SAMD12: variants seen among roughly 807,000 people sequenced by gnomAD.
The protein encoded by SAMD12 is sterile alpha motif domain containing 12.
Under a neutral mutation model 15.0 loss-of-function variants are expected in SAMD12, and 9 were observed. That is an observed-to-expected ratio of 0.60 (90% CI 0.36 to 1.05). The LOEUF (loss-of-function observed/expected upper bound fraction) is 1.05. Among genes scored for constraint, SAMD12 ranks in the 50% least tolerant of loss-of-function variants. The pLI is 0.01. For missense variants in SAMD12, 230 were observed against 234.2 expected, an observed-to-expected ratio of 0.98 and a Z score of 0.12; for synonymous variants, 86 against 90.1, an observed-to-expected ratio of 0.96 and a Z score of 0.25.
chr8:118,515,263 G>A (rs1306105839), intron 2 of SAMD12, among the ~76,000 whole-genome samples: 1 of 137,784 alleles, frequency 7.3e-6, no homozygotes, highest in Non-Finnish European at 1.5e-5. Context: ...TCGATCTCCT[G>A]ATCTCGTGAT....
chr8:118,301,335 T>G (rs1194593461), intron 4 of SAMD12, among the ~76,000 whole-genome samples: 1 of 152,166 alleles, frequency 6.6e-6, no homozygotes, highest in Non-Finnish European at 1.5e-5. Context: ...CAAAAAGCTG[T>G]CACGATGGAA....
chr8:118,235,458 C>G (rs1308938272), intron 4 of SAMD12, among the ~76,000 whole-genome samples: 4 of 152,126 alleles, frequency 2.6e-5, no homozygotes, highest in Non-Finnish European at 5.9e-5. Context: ...ATCCGCCCAC[C>G]TTGGCCTCCC....
chr8:118,446,661 C>T (rs988073933), intron 2 of SAMD12, among the ~76,000 whole-genome samples: 6 of 152,142 alleles, frequency 3.9e-5, no homozygotes, highest in Admixed American at 1.3e-4. Flanking sequence ...TGCTTCAAAA[C>T]GTACTTTCAT....
chr8:118,417,974 C>G (rs1291146583), intron 3 of SAMD12, among the ~76,000 whole-genome samples: 2 of 152,122 alleles, frequency 1.3e-5, no homozygotes, highest in African/African-American at 4.8e-5. Context: ...GATGTATGAC[C>G]TGATCGAATA....
intron 4 of SAMD12, among the ~76,000 whole-genome samples, chr8:118,350,455 C>T (rs1344233330): frequency 6.6e-6 from 1 of 152,154 alleles, no homozygotes; most frequent in Non-Finnish European, 1.5e-5. Context: ...CTCATCATTC[C>T]TGTGTTTTGG....
chr8:118,263,599 A>G (rs1180897889), intron 4 of SAMD12, among the ~76,000 whole-genome samples: 1 of 152,086 alleles, frequency 6.6e-6, no homozygotes, highest in Non-Finnish European at 1.5e-5. Flanking sequence ...GGGGAGTAAA[A>G]AAAATAAAAA....
At chr8:118,132,986 A>G in the SAMD12 span, among the ~76,000 whole-genome samples, 327 of 59,770 alleles carry the variant, frequency 5.5e-3, 10 homozygotes, top group African/African-American at 0.015. Flanking sequence ...ATATATATAT[A>G]TATATATATA....
chr8:118,415,273 A>AT (rs1317323265), intron 3 of SAMD12, among the ~76,000 whole-genome samples: 6 of 152,180 alleles, frequency 3.9e-5, no homozygotes, highest in Non-Finnish European at 8.8e-5. Flanking sequence ...TTACAAAAGT[A>AT]TTTTTTGCTT....
At chr8:118,268,268 T>C (rs1813256694) in intron 4 of SAMD12, among the ~76,000 whole-genome samples, 1 of 152,182 alleles carries the variant, frequency 6.6e-6, no homozygotes, top group African/African-American at 2.4e-5. Flanking sequence ...CTCCTTCCCA[T>C]TCCCTACTTT....
At chr8:118,255,127 C>T (rs1007971450) in intron 4 of SAMD12, among the ~76,000 whole-genome samples, 31 of 152,000 alleles carry the variant, frequency 2.0e-4, no homozygotes, top group Middle Eastern at 3.4e-3. Flanking sequence ...CAATACAGAC[C>T]GTGGGGGCAG....
exon 5 of SAMD12, chr8:118,195,973 G>A (rs1383565905): frequency 2.0e-5 from 3 of 152,220 alleles, no homozygotes; most frequent in African/African-American, 7.2e-5. Context: ...GGGCCTGGCA[G>A]TCCTGGTGCT....
intron 3 of SAMD12, among the ~76,000 whole-genome samples, chr8:118,419,568 A>G (rs1821897300): frequency 6.6e-6 from 1 of 152,142 alleles, no homozygotes. Context: ...TTTCAGCCCC[A>G]GCCATCACTT....
chr8:118,436,529 G>A (rs948328545), intron 3 of SAMD12, among the ~76,000 whole-genome samples: 1 of 152,080 alleles, frequency 6.6e-6, no homozygotes, highest in Non-Finnish European at 1.5e-5. Flanking sequence ...ATCAAGGGAT[G>A]TTTGTATATA....
chr8:118,356,403 C>A (rs987806367), intron 4 of SAMD12, among the ~76,000 whole-genome samples: 18 of 152,296 alleles, frequency 1.2e-4, no homozygotes, highest in African/African-American at 4.3e-4. Flanking sequence ...CTTAGCACAG[C>A]TTTTCCCTCT....
intron 4 of SAMD12, among the ~76,000 whole-genome samples, chr8:118,291,753 T>C (rs914713573): frequency 1.3e-5 from 2 of 151,650 alleles, no homozygotes; most frequent in East Asian, 4.0e-4. Context: ...CTGTCATGTG[T>C]TTTCTCGGTT....
intron 4 of SAMD12, among the ~76,000 whole-genome samples, chr8:118,239,264 C>A (rs1483128314): frequency 6.6e-6 from 1 of 152,088 alleles, no homozygotes; most frequent in African/African-American, 2.4e-5. Context: ...TGAGTATCTT[C>A]TCTTTGTTAG....
At chr8:118,456,054 C>T (rs550035699) in intron 2 of SAMD12, among the ~76,000 whole-genome samples, 1 of 152,332 alleles carries the variant, frequency 6.6e-6, no homozygotes, top group Non-Finnish European at 1.5e-5. Flanking sequence ...TTGGGTCCTT[C>T]AGTGGCTTTC....
intron 3 of SAMD12, among the ~76,000 whole-genome samples, chr8:118,427,779 C>G (rs10955879): frequency 0.54 from 81,341 of 151,648 alleles, 24,188 homozygotes; most frequent in Non-Finnish European, 0.65. Context: ...TTCCATTTCT[C>G]CTGGGTAGAT....
At chr8:118,620,538 G>A (rs1377180147) in intron 1 of SAMD12, among the ~76,000 whole-genome samples, 1 of 152,078 alleles carries the variant, frequency 6.6e-6, no homozygotes, top group African/African-American at 2.4e-5. Flanking sequence ...GCTGGAAGTG[G>A]CTGGCTGTGG....
Sources: allele counts gnomAD v4.1 joint callset (sites outside exome capture counted in the v4.1 genomes callset), GRCh38; gene constraint gnomAD v4.1.1; transcripts MANE v1.5; gene names NCBI Gene and HGNC (gene_info 2026-07-23, HGNC 2026-07-21).